Variants in MAP4 observed in about 807,000 individuals in gnomAD.
MAP4 encodes microtubule-associated protein 4.
Under a neutral mutation model 170.2 loss-of-function variants are expected in MAP4, and 76 were observed. The observed-to-expected ratio is 0.45, with a 90% CI of 0.37 to 0.54. The LOEUF (loss-of-function observed/expected upper bound fraction) is 0.54, where lower values mean the gene tolerates loss of function less well. Among genes scored for constraint, MAP4 ranks in the 20% least tolerant of loss-of-function variants. The pLI, the probability that MAP4 is intolerant of heterozygous loss-of-function variation, is 0.00. For synonymous variants in MAP4, 909 were observed against 994.5 expected (o/e 0.91, Z 1.62); for missense variants, 2,506 against 2,748.0 (o/e 0.91, Z 1.97).
rs115336539 is a variant in MAP4, at chr3:47,987,337, A to G, written c.224-9404T>C. 578 of 1,374,890 alleles carry G rather than the reference A, an allele frequency of 4.2e-4. 2 individuals carry two copies. The African/African-American group carries it at 7.7e-3, about 18-fold the overall frequency. The allele number at this position is 1,374,890 out of a possible 1,614,324, so 85.2% of individuals were successfully genotyped here. On this transcript the variant is annotated intron_variant, in intron 2 of 20. Coordinates refer to ENST00000683076, the MANE Select transcript of MAP4 (RefSeq NM_001385682.1). ...CAAATAGCTTAATTATGATCTTACA[A>G]GTACCACAGAGGAAAGAGGAAAGTT...
At chr3:47,936,637 C>A (rs1258574321) in intron 3 of MAP4, among the ~76,000 whole-genome samples, 3 of 151,870 alleles carry the variant, frequency 2.0e-5, no homozygotes, top group African/African-American at 7.3e-5. Flanking sequence ...GACAGAAAAG[C>A]AATCTAAACC....
At chr3:48,031,002 C>CAA (rs2154517483) in intron 1 of MAP4, among the ~76,000 whole-genome samples, 1 of 152,044 alleles carries the variant, frequency 6.6e-6, no homozygotes, top group East Asian at 1.9e-4. Context: ...TCATCCTTTA[C>CAA]ATGTGCATAG....
intron 1 of MAP4, among the ~76,000 whole-genome samples, chr3:48,069,940 C>T (rs1007259164): frequency 2.6e-5 from 4 of 152,000 alleles, no homozygotes; most frequent in Admixed American, 6.6e-5. Context: ...GAGATTATCC[C>T]TTTTTTTAAC....
chr3:48,048,090 T>A (rs1243611485), intron 1 of MAP4, among the ~76,000 whole-genome samples: 1 of 152,090 alleles, frequency 6.6e-6, no homozygotes, highest in Non-Finnish European at 1.5e-5. Flanking sequence ...TACTGGGCAA[T>A]GTATCTAGAC....
chr3:48,027,234 G>A (rs1421323572), intron 1 of MAP4, among the ~76,000 whole-genome samples: 1 of 152,160 alleles, frequency 6.6e-6, no homozygotes, highest in Non-Finnish European at 1.5e-5. Context: ...GAGTAAGGGA[G>A]AACCTTAAAT....
chr3:47,899,939 T>C (rs1389825174), intron 10 of MAP4, among the ~76,000 whole-genome samples: 1 of 152,222 alleles, frequency 6.6e-6, no homozygotes, highest in East Asian at 1.9e-4. Context: ...GTACATGTAC[T>C]GGCAGATATT....
intron 4 of MAP4, among the ~76,000 whole-genome samples, chr3:47,922,403 T>C (rs1329574641): frequency 1.3e-5 from 2 of 152,200 alleles, no homozygotes; most frequent in South Asian, 4.1e-4. Flanking sequence ...TTTGGTTATG[T>C]ACATCAGATA....
chr3:47,888,149 G>C (rs2097921579), intron 10 of MAP4, among the ~76,000 whole-genome samples: 1 of 152,172 alleles, frequency 6.6e-6, no homozygotes, highest in African/African-American at 2.4e-5. Flanking sequence ...GAGAACCTTT[G>C]TATCTAGCTC....
In MAP4 at chr3:47,916,305, G is replaced by A; in HGVS notation, c.1522C>T (p.Pro508Ser). The A allele has an allele frequency of 6.2e-7, 1 of 1,614,210 alleles. No individual in the cohort carries two copies. Among genetic ancestry groups the A allele is most frequent in the Non-Finnish European group, 8.5e-7 (1 of 1,180,044 alleles). Residue 508 changes from proline to serine, a missense_variant, in exon 7 of 21, where the codon CCA becomes TCA. By Grantham distance (74) the Pro-to-Ser change is moderately conservative. This residue lies in a region of MAP4 where 2,008 missense variants were observed against 2,206.0 expected (regional missense o/e 0.91). Transcript: ENST00000683076. Reference protein sequence around the residue: ...KEVGLLKDMSPLSETEMALGK... With the variant: ...KEVGLLKDMSSLSETEMALGK... The stretch of plus-strand genomic sequence containing the variant: ...AGAGCCATTTCTGTTTCTGATAGTG[G>A]AGACATGTCCTTCAACAAGCCCACT...
At chr3:48,069,033 T>G (rs1459967940) in intron 1 of MAP4, among the ~76,000 whole-genome samples, 1 of 152,214 alleles carries the variant, frequency 6.6e-6, no homozygotes, top group East Asian at 1.9e-4. Flanking sequence ...GGTATTAAAT[T>G]GAACACAGTA....
intron 1 of MAP4, among the ~76,000 whole-genome samples, chr3:48,076,967 C>A (rs146275414): frequency 1.3e-5 from 2 of 150,186 alleles, no homozygotes; most frequent in Non-Finnish European, 3.0e-5. Context: ...TATAAGGAGA[C>A]CCCATCTCTA....
At chr3:47,885,940 G>A (rs920937557) in intron 10 of MAP4, among the ~76,000 whole-genome samples, 3 of 152,140 alleles carry the variant, frequency 2.0e-5, no homozygotes, top group African/African-American at 7.2e-5. Flanking sequence ...GTGTTAGCCA[G>A]GATGGTCTCG....
At chr3:47,977,629 G>T (rs1323267816) in intron 3 of MAP4, among the ~76,000 whole-genome samples, 6 of 152,190 alleles carry the variant, frequency 3.9e-5, no homozygotes, top group Non-Finnish European at 7.4e-5. Context: ...TCCAGTTCTT[G>T]TGTGGTACAG....
chr3:47,867,279 C>A lies in MAP4; in HGVS notation c.6468G>T (p.Lys2156Asn). ...CTCCAGGGACATGCTTAATATTGTC[C>A]TTGGAACCACACTTGGACTGAATAT... ...YSHIQSKCGSKDNIKHVPGGG... is the reference protein window; with the variant it reads ...YSHIQSKCGSNDNIKHVPGGG... The change falls in exon 17 of 21, where the codon AAG becomes AAT. Residue 2156 changes from lysine to asparagine, a missense_variant. By Grantham distance (94) the Lys-to-Asn change is moderately conservative. Around this residue, in one of 3 missense-constraint regions of MAP4, gnomAD observed 487 missense variants for 511.6 expected, o/e 0.95. Coordinates refer to ENST00000683076, the MANE Select transcript of MAP4 (RefSeq NM_001385682.1). 4 of 1,613,690 alleles carry A rather than the reference C, an allele frequency of 2.5e-6. No individual in the cohort carries two copies. Among genetic ancestry groups the A allele is most frequent in the Non-Finnish European group, 3.4e-6 (4 of 1,179,686 alleles).
intron 1 of MAP4, among the ~76,000 whole-genome samples, chr3:48,073,295 ACACACACAC>A (rs2100141951): frequency 1.8e-5 from 2 of 112,230 alleles, no homozygotes; most frequent in East Asian, 2.7e-4. Flanking sequence ...ACACACACAC[ACACACACAC>A]AAATTAGCAT....
intron 1 of MAP4, among the ~76,000 whole-genome samples, chr3:48,059,910 A>G (rs1397620647): frequency 6.6e-6 from 1 of 150,864 alleles, no homozygotes; most frequent in East Asian, 2.0e-4. Flanking sequence ...AACCTGGAGG[A>G]TGCAGTGGGC....
chr3:48,081,939 AG>A (rs777105179), intron 1 of MAP4, among the ~76,000 whole-genome samples: 1 of 152,212 alleles, frequency 6.6e-6, no homozygotes. Flanking sequence ...TTACAGTGCC[AG>A]GAAGTACAAA....
Position 47,916,143 on chromosome 3 carries a change from C to T in MAP4, c.1684G>A (p.Gly562Arg). The change falls in exon 7 of 21, where the codon GGG becomes AGG. Residue 562 changes from glycine (G) to arginine (R), a missense_variant. Transcript: ENST00000683076. ...LKTEAPLAKD[G>R]VLTLANNVTP... ...ACATTGTTGGCCAGGGTCAGAACCC[C>T]ATCCTTAGCCAGGGGTGCTTCTGTT... The T allele has an allele frequency of 1.9e-6, 3 of 1,614,188 alleles. No homozygotes were observed. The highest frequency in any genetic ancestry group is 2.5e-6 in the Non-Finnish European group (3 of 1,180,030).
At chr3:47,966,741 C>T (rs1439183312) in intron 3 of MAP4, among the ~76,000 whole-genome samples, 1 of 152,158 alleles carries the variant, frequency 6.6e-6, no homozygotes, top group African/African-American at 2.4e-5. Flanking sequence ...AAACACCATC[C>T]TTTCCCATTG....
Sources: gnomAD v4.1 joint callset for allele counts (sites outside exome capture counted in the v4.1 genomes callset) on GRCh38, gnomAD v4.1.1 for gene constraint, gnomAD v4.1.1 regional missense constraint, MANE v1.5 for transcripts, NCBI Gene and HGNC (gene_info 2026-07-23, HGNC 2026-07-21) for gene names.